Variants in MAN1A1 observed in about 807,000 individuals in gnomAD.
The protein encoded by MAN1A1 is mannosyl-oligosaccharide 1,2-alpha-mannosidase IA.
MAN1A1 carries 29 observed loss-of-function variants against 70.8 expected under a neutral mutation model. That is an observed-to-expected ratio of 0.41 (90% CI 0.31 to 0.56). The LOEUF (loss-of-function observed/expected upper bound fraction) is 0.56, where lower values mean the gene tolerates loss of function less well. MAN1A1 is among the 20% of genes least tolerant of loss of function. The probability of loss-of-function intolerance (pLI) is 0.29; values close to 1 mark genes in which losing one functional copy is unlikely to be tolerated. For missense variants in MAN1A1, 747 were observed against 841.3 expected (o/e 0.89, Z 1.39); for synonymous variants, 349 against 330.1 (o/e 1.06, Z -0.62).
chr6:119,293,506 T>C (rs899059743), intron 4 of MAN1A1, among the ~76,000 whole-genome samples: 1 of 152,054 alleles, frequency 6.6e-6, no homozygotes, highest in African/African-American at 2.4e-5. Flanking sequence ...TATGTCCTTG[T>C]CTTTAATAAA....
At chr6:119,210,409 G>T (rs566101276) in intron 6 of MAN1A1, among the ~76,000 whole-genome samples, 2 of 152,110 alleles carry the variant, frequency 1.3e-5, no homozygotes, top group African/African-American at 4.8e-5. Flanking sequence ...ATTTAGATGG[G>T]CATGCATATA....
rs78533120 is a variant in MAN1A1, at chr6:119,238,430, C to T, written c.992+9830G>A. On this transcript the variant is annotated intron_variant, in intron 6 of 12. Coordinates refer to ENST00000368468, the MANE Select transcript of MAN1A1 (RefSeq NM_005907.4). ...ATTCATACTACTTGTATAATGAACT[C>T]GAACACAGCTATTTGAAATGATACC... is the stretch of plus-strand genomic sequence containing the variant. Among the ~76,000 whole-genome samples the T allele has an allele frequency of 6.0e-3, 909 of 152,222 alleles. 31 individuals are homozygous for T. The East Asian group carries it at 0.091, about 15-fold the overall frequency.
intron 5 of MAN1A1, among the ~76,000 whole-genome samples, chr6:119,264,355 C>T (rs1402440424): frequency 3.3e-5 from 5 of 152,188 alleles, no homozygotes; most frequent in Non-Finnish European, 5.9e-5. Flanking sequence ...ATACTTTAAT[C>T]AAAATATTTG....
intron 6 of MAN1A1, among the ~76,000 whole-genome samples, chr6:119,237,729 G>A (rs147845634): frequency 6.6e-6 from 1 of 152,150 alleles, no homozygotes; most frequent in African/African-American, 2.4e-5. Context: ...CAACTTTCTA[G>A]GTCCTGTCAT....
At chr6:119,248,379 A>T in intron 5 of MAN1A1, 25 bp from the exon 6 acceptor site, 2 of 1,288,196 alleles carry the variant, frequency 1.6e-6, no homozygotes, top group Non-Finnish European at 2.3e-6. Flanking sequence ...AGTTAACTGT[A>T]AGCTACTGTT....
intron 6 of MAN1A1, among the ~76,000 whole-genome samples, chr6:119,210,220 C>T (rs992573842): frequency 3.3e-5 from 5 of 152,184 alleles, no homozygotes; most frequent in African/African-American, 1.2e-4. Context: ...AAAGATGCCA[C>T]ATTTCTCGTT....
rs370115197 is a variant in MAN1A1 at position 119,189,763 on chromosome 6, C to A, written c.1447G>T (p.Ala483Ser). Residue 483 changes from alanine to serine, a missense_variant, in exon 10 of 13, where the codon GCA (alanine) becomes TCA (serine). Physicochemically the swap from Ala to Ser is moderately conservative, Grantham distance 99 (BLOSUM62 1). Around this residue, in one of 2 missense-constraint regions of MAN1A1, gnomAD observed 419 missense variants for 548.2 expected, o/e 0.76. Coordinates refer to ENST00000368468, the MANE Select transcript of MAN1A1 (RefSeq NM_005907.4). ...HLTCFAGGMFALGADAAPEGM... is the reference protein window; with the variant it reads ...HLTCFAGGMFSLGADAAPEGM... Reference sequence around the variant, plus strand: ...TCGGGAGCTGCATCAGCCCCGAGTGCGAACATGCCCCCCGCGAAGCAGGTC... The same window carrying A: ...TCGGGAGCTGCATCAGCCCCGAGTGAGAACATGCCCCCCGCGAAGCAGGTC... The A allele has an allele frequency of 6.2e-7, 1 of 1,613,960 alleles. No individual in the cohort carries two copies. The highest frequency in any genetic ancestry group is 8.5e-7 in the Non-Finnish European group (1 of 1,180,012).
intron 7 of MAN1A1, among the ~76,000 whole-genome samples, chr6:119,202,260 A>C (rs891239798): frequency 3.3e-5 from 5 of 152,236 alleles, no homozygotes; most frequent in African/African-American, 1.2e-4. Context: ...AAAGTTGTTT[A>C]ACTTTTTAAA....
intron 10 of MAN1A1, among the ~76,000 whole-genome samples, 176 bp downstream of exon 10, chr6:119,189,488 T>C (rs1186262155): frequency 6.6e-6 from 1 of 152,160 alleles, no homozygotes; most frequent in Non-Finnish European, 1.5e-5. Flanking sequence ...AGGTAGATAT[T>C]TTTAGGAAGA....
At chr6:119,208,280 T>C (rs1253087672) in intron 6 of MAN1A1, among the ~76,000 whole-genome samples, 1 of 152,216 alleles carries the variant, frequency 6.6e-6, no homozygotes, top group Non-Finnish European at 1.5e-5. Flanking sequence ...TTCCTACTTC[T>C]TCCATTTTAA....
chr6:119,189,558 A>C (rs1000948677), intron 10 of MAN1A1, 106 bp downstream of exon 10: 5 of 960,714 alleles, frequency 5.2e-6, no homozygotes, highest in Non-Finnish European at 8.2e-6. Flanking sequence ...ACGATCATCA[A>C]GCTTCATAGG....
chr6:119,324,879 A>G (rs1292847201), intron 2 of MAN1A1, among the ~76,000 whole-genome samples: 1 of 152,030 alleles, frequency 6.6e-6, no homozygotes, highest in East Asian at 1.9e-4. Flanking sequence ...GGGGTTGGGG[A>G]GGGCAGCCTT....
At chr6:119,227,276 T>C (rs896259954) in intron 6 of MAN1A1, among the ~76,000 whole-genome samples, 1 of 152,136 alleles carries the variant, frequency 6.6e-6, no homozygotes, top group Non-Finnish European at 1.5e-5. Context: ...TGATGGCAAA[T>C]GAATGGCTGC....
chr6:119,227,073 T>C (rs756796330), intron 6 of MAN1A1, among the ~76,000 whole-genome samples: 10 of 152,120 alleles, frequency 6.6e-5, no homozygotes, highest in Non-Finnish European at 1.5e-4. Context: ...ATTCATACAA[T>C]GAAATACTAC....
At chr6:119,282,130 G>C (rs149435205) in intron 5 of MAN1A1, among the ~76,000 whole-genome samples, 23 of 152,198 alleles carry the variant, frequency 1.5e-4, no homozygotes, top group Middle Eastern at 3.4e-3. Context: ...TTTCCGTTAG[G>C]TTTCAAGCAC....
At chr6:119,306,615 C>T (rs1372075921) in intron 3 of MAN1A1, among the ~76,000 whole-genome samples, 1 of 152,204 alleles carries the variant, frequency 6.6e-6, no homozygotes, top group African/African-American at 2.4e-5. Context: ...ATTTATGATA[C>T]TGCACCCTAT....
Position 119,248,347 on chromosome 6 carries a change from C to A in MAN1A1, c.905G>T (p.Arg302Leu), listed in dbSNP as rs774209358. The A allele has an allele frequency of 6.2e-6, 10 of 1,606,016 alleles. No homozygotes were observed. Among genetic ancestry groups the A allele is most frequent in the Admixed American group, 3.3e-5 (2 of 59,960 alleles). Reference sequence around the variant, plus strand: ...TACCCCAAGTTCCACTGCTTTCTTTCGAAAAATCTGAAAAGTCAAACAGTT... The same window carrying A: ...TACCCCAAGTTCCACTGCTTTCTTTAGAAAAATCTGAAAAGTCAAACAGTT... The part of the protein sequence containing the change: ...AYYLSGEEIF[R>L]KKAVELGVKL... Residue 302 changes from arginine to leucine, a missense_variant, in exon 6 of 13, where the codon CGA becomes CTA. Transcript: ENST00000368468.
intron 5 of MAN1A1, among the ~76,000 whole-genome samples, chr6:119,283,826 A>G (rs993962244): frequency 6.6e-6 from 1 of 152,172 alleles, no homozygotes; most frequent in Non-Finnish European, 1.5e-5. Flanking sequence ...AAACGACTCA[A>G]CTTTTAAGGC....
chr6:119,268,344 C>T (rs1471682487), intron 5 of MAN1A1, among the ~76,000 whole-genome samples: 1 of 152,144 alleles, frequency 6.6e-6, no homozygotes, highest in Non-Finnish European at 1.5e-5. Context: ...GGAGCAAGGG[C>T]TACCCTGTAA....
Sources: gnomAD v4.1 joint callset for allele counts (sites outside exome capture counted in the v4.1 genomes callset) on GRCh38, gnomAD v4.1.1 for gene constraint, gnomAD v4.1.1 regional missense constraint, MANE v1.5 for transcripts, NCBI Gene and HGNC (gene_info 2026-07-23, HGNC 2026-07-21) for gene names.